Variants in CDH4 observed in about 807,000 individuals in gnomAD.
CDH4 encodes cadherin 4, also known as cadherin-4.
Under a neutral mutation model 86.0 loss-of-function variants are expected in CDH4, and 33 were observed. The ratio of observed to expected loss-of-function variants is 0.38; its 90% CI spans 0.29 to 0.51. The LOEUF (loss-of-function observed/expected upper bound fraction) is 0.51, where lower values mean the gene tolerates loss of function less well. Ranked by LOEUF, CDH4 falls within the 20% of genes least tolerant of loss-of-function variation. The probability of loss-of-function intolerance (pLI) is 0.86; values close to 1 mark genes in which losing one functional copy is unlikely to be tolerated. For synonymous variants in CDH4, 555 were observed against 549.4 expected, an observed-to-expected ratio of 1.01 and a Z score of -0.14; for missense variants, 1,114 against 1,307.4, an observed-to-expected ratio of 0.85 and a Z score of 2.28.
At chr20:61,779,037 C>CTAGG (rs1197535351) in intron 4 of CDH4, among the ~76,000 whole-genome samples, 1 of 152,218 alleles carries the variant, frequency 6.6e-6, no homozygotes, top group Non-Finnish European at 1.5e-5. Flanking sequence ...GGGCTGGTAC[C>CTAGG]TACACAGGCA....
chr20:61,929,988 C>A (rs1357966544), intron 13 of CDH4, 146 bp downstream of exon 13: 2 of 659,152 alleles, frequency 3.0e-6, no homozygotes, highest in East Asian at 5.4e-5. Context: ...AGAAATGCAG[C>A]TGAACTGGTC....
chr20:61,296,247 GTGTGTGCA>G (rs1218645096), intron 2 of CDH4, among the ~76,000 whole-genome samples: 3 of 112,404 alleles, frequency 2.7e-5, no homozygotes, highest in Non-Finnish European at 3.7e-5. Flanking sequence ...GTGTGTATGT[GTGTGTGCA>G]TGTGTGCGTG....
intron 2 of CDH4, among the ~76,000 whole-genome samples, chr20:61,349,344 C>G (rs559153177): frequency 6.6e-6 from 1 of 152,378 alleles, no homozygotes; most frequent in African/African-American, 2.4e-5. Context: ...CCGGGTGTGG[C>G]AGCTCCTGTG....
chr20:61,359,111 T>C (rs1456354726), intron 2 of CDH4, among the ~76,000 whole-genome samples: 2 of 152,190 alleles, frequency 1.3e-5, no homozygotes, highest in African/African-American at 2.4e-5. Context: ...CCTGGCAGCC[T>C]GAGTTCGTTA....
chr20:61,551,284 G>T (rs577610887), intron 2 of CDH4, among the ~76,000 whole-genome samples: 2 of 152,190 alleles, frequency 1.3e-5, no homozygotes, highest in Admixed American at 6.5e-5. Context: ...TGTCCTCACT[G>T]TCTTGTCTCC....
chr20:61,854,931 G>A (rs62206350), intron 6 of CDH4, among the ~76,000 whole-genome samples: 2 of 124,094 alleles, frequency 1.6e-5, no homozygotes, highest in East Asian at 4.7e-4. Context: ...CACCCCCAGG[G>A]GTGCAGTGTG....
chr20:61,652,938 A>ATTTTTTTATTT (rs1555819717), intron 2 of CDH4, among the ~76,000 whole-genome samples: 2 of 97,402 alleles, frequency 2.1e-5, no homozygotes, highest in African/African-American at 6.8e-5. Context: ...TTATTTATTT[A>ATTTTTTTATTT]TTTTTTTTTT....
intron 8 of CDH4, among the ~76,000 whole-genome samples, chr20:61,908,475 G>A (rs967851341): frequency 2.0e-5 from 3 of 152,110 alleles, no homozygotes; most frequent in Non-Finnish European, 1.5e-5. Context: ...GTGAATCTGC[G>A]CCATCTCACA....
chr20:61,291,075 T>C (rs1422623640), intron 2 of CDH4, among the ~76,000 whole-genome samples: 1 of 152,118 alleles, frequency 6.6e-6, no homozygotes. Context: ...CACACTCAGC[T>C]CTGTCTTTTT....
chr20:61,577,572 G>A (rs1482723294), intron 2 of CDH4, among the ~76,000 whole-genome samples: 1 of 152,194 alleles, frequency 6.6e-6, no homozygotes, highest in Non-Finnish European at 1.5e-5. Flanking sequence ...GTCCATGAGA[G>A]CTGAGCTGAA....
At chr20:61,922,403 C>T (rs186491767) in intron 9 of CDH4, among the ~76,000 whole-genome samples, 1 of 152,164 alleles carries the variant, frequency 6.6e-6, no homozygotes, top group Non-Finnish European at 1.5e-5. Context: ...TAGCGTTTAT[C>T]AGCCAGGGTC....
intron 2 of CDH4, among the ~76,000 whole-genome samples, chr20:61,334,525 C>G (rs558908873): frequency 6.6e-6 from 1 of 152,298 alleles, no homozygotes; most frequent in African/African-American, 2.4e-5. Flanking sequence ...GATCAAGGCA[C>G]CAGCAGTTCG....
chr20:61,920,832 ACG>A (rs2054971826), intron 9 of CDH4, among the ~76,000 whole-genome samples: 3 of 38,276 alleles, frequency 7.8e-5, no homozygotes, highest in African/African-American at 1.2e-4. Context: ...TTGCATGGAA[ACG>A]TGGTGTGATT....
intron 2 of CDH4, among the ~76,000 whole-genome samples, chr20:61,565,651 A>C (rs1456476169): frequency 2.0e-5 from 3 of 152,086 alleles, no homozygotes; most frequent in Non-Finnish European, 4.4e-5. Context: ...ATGCAGTTGC[A>C]GCTGGGGCCA....
intron 2 of CDH4, among the ~76,000 whole-genome samples, chr20:61,476,886 TG>T (rs2085539435): frequency 6.6e-6 from 1 of 152,186 alleles, no homozygotes; most frequent in African/African-American, 2.4e-5. Flanking sequence ...TCCAGTCAGG[TG>T]GACAGGATCA....
At chr20:61,770,866 G>C (rs1034304634) in intron 3 of CDH4, among the ~76,000 whole-genome samples, 6 of 145,222 alleles carry the variant, frequency 4.1e-5, no homozygotes, top group African/African-American at 1.5e-4. Context: ...CTGGGCGACA[G>C]AGCGAGACTC....
intron 4 of CDH4, among the ~76,000 whole-genome samples, chr20:61,776,003 GGAGA>G (rs1296956167): frequency 6.6e-6 from 1 of 152,176 alleles, no homozygotes; most frequent in African/African-American, 2.4e-5. Flanking sequence ...GATGGACAGT[GGAGA>G]GAAAGACCTC....
intron 6 of CDH4, among the ~76,000 whole-genome samples, chr20:61,858,475 CTGTGTCTCTGTGTCTGTATG>C (rs1288855064): frequency 6.7e-6 from 1 of 148,408 alleles, no homozygotes; most frequent in Non-Finnish European, 1.5e-5. Context: ...GTCTCTGTGT[CTGTGTCTCTGTGTCTGTATG>C]TGTGTGTCTG....
chr20:61,537,710 G>A (rs78794398), intron 2 of CDH4, among the ~76,000 whole-genome samples: 1,789 of 152,248 alleles, frequency 0.012, 28 homozygotes, highest in African/African-American at 0.041. Flanking sequence ...CTCCCTTTCT[G>A]TGCAGACTCA....
Sources: gnomAD v4.1 joint callset for allele counts (sites outside exome capture counted in the v4.1 genomes callset) on GRCh38, gnomAD v4.1.1 for gene constraint, MANE v1.5 for transcripts, NCBI Gene and HGNC (gene_info 2026-07-23, HGNC 2026-07-21) for gene names.